PIK3CB: variants seen among roughly 807,000 people sequenced by gnomAD.
The protein encoded by PIK3CB is phosphatidylinositol-4,5-bisphosphate 3-kinase catalytic subunit beta.
Under a neutral mutation model 136.8 loss-of-function variants are expected in PIK3CB, and 39 were observed. The ratio of observed to expected loss-of-function variants is 0.29; its 90% CI spans 0.22 to 0.37. PIK3CB has a LOEUF of 0.37. PIK3CB is among the 10% of genes least tolerant of loss of function. PIK3CB has a pLI of 1.00. For missense variants in PIK3CB, 868 were observed against 1,275.4 expected (o/e 0.68, Z 4.87); for synonymous variants, 428 against 436.6 (o/e 0.98, Z 0.25).
At position 138,742,549 on chromosome 3, in the gene PIK3CB, T is replaced by A; in HGVS notation, c.621+9A>T. ...TTACAAAATATTTCTTAAAAAAATA[T>A]AATCCTACCTGGCAGTTTTCAAAAT... On this transcript the variant is annotated intron_variant, in intron 5 of 23. Transcript: ENST00000674063. The A allele has an allele frequency of 7.7e-7, 1 of 1,298,620 alleles. No homozygotes were observed. The highest frequency in any genetic ancestry group is 1.1e-6 in the Non-Finnish European group (1 of 917,738). 80.4% of individuals were successfully genotyped at this position (1,298,620 alleles called of 1,614,324 possible).
intron 19 of PIK3CB, among the ~76,000 whole-genome samples, chr3:138,669,215 C>T (rs2043477578): frequency 6.6e-6 from 1 of 151,266 alleles, no homozygotes; most frequent in African/African-American, 2.4e-5. Context: ...AGTTTAAGAC[C>T]AGCCTGGGCA....
intron 1 of PIK3CB, among the ~76,000 whole-genome samples, chr3:138,824,451 G>C (rs1219167240): frequency 6.6e-6 from 1 of 152,122 alleles, no homozygotes; most frequent in East Asian, 1.9e-4. Context: ...CCCAGTTAAA[G>C]GGTCAACCTC....
Position 138,654,295 on chromosome 3 carries a change from CT to C in PIK3CB, c.*1093del, listed in dbSNP as rs1370629599. The C allele has an allele frequency of 4.6e-6, 1 of 216,394 alleles. No individual in the cohort carries two copies. Among genetic ancestry groups the C allele is most frequent in the East Asian group, 6.9e-5 (1 of 14,476 alleles). 13.4% of individuals were successfully genotyped at this position (216,394 alleles called of 1,614,324 possible). Reference sequence around the variant, plus strand: ...TTGCACATATTAACATTACTTGCCCCTAGCACCCTAAATATATGGTACCTCA... The same window carrying C: ...TTGCACATATTAACATTACTTGCCCCAGCACCCTAAATATATGGTACCTCA... On this transcript the variant is annotated 3_prime_UTR_variant, in exon 24 of 24. Coordinates refer to ENST00000674063, the MANE Select transcript of PIK3CB (RefSeq NM_006219.3).
At chr3:138,821,293 AC>A (rs1933552581) in intron 1 of PIK3CB, among the ~76,000 whole-genome samples, 1 of 148,952 alleles carries the variant, frequency 6.7e-6, no homozygotes, top group African/African-American at 2.5e-5. Context: ...AAAAAAAAAA[AC>A]AAAAAACAAA....
At chr3:138,764,206 T>C (rs1410888747) in intron 2 of PIK3CB, among the ~76,000 whole-genome samples, 2 of 151,792 alleles carry the variant, frequency 1.3e-5, no homozygotes, top group Non-Finnish European at 2.9e-5. Flanking sequence ...CCCAGCACTT[T>C]GGGAGGCCAA....
At chr3:138,691,232 T>C (rs1166032139) in intron 14 of PIK3CB, 89 bp from the exon 15 acceptor site, 4 of 1,181,598 alleles carry the variant, frequency 3.4e-6, no homozygotes, top group African/African-American at 1.5e-5. Context: ...GTGAACTTGT[T>C]GAAACACAAT....
intron 8 of PIK3CB, among the ~76,000 whole-genome samples, chr3:138,732,650 C>A (rs573025537): frequency 6.8e-6 from 1 of 147,276 alleles, no homozygotes; most frequent in African/African-American, 2.5e-5. Context: ...TGGTCCATAA[C>A]GTAGTAATCT....
At chr3:138,768,105 G>A (rs763555935) in intron 2 of PIK3CB, among the ~76,000 whole-genome samples, 8 of 151,190 alleles carry the variant, frequency 5.3e-5, no homozygotes, top group Non-Finnish European at 1.2e-4. Flanking sequence ...TTCTCTGAAG[G>A]CAGGTCATCC....
chr3:138,814,404 G>A (rs1321439157), intron 1 of PIK3CB, among the ~76,000 whole-genome samples: 1 of 151,714 alleles, frequency 6.6e-6, no homozygotes, highest in Non-Finnish European at 1.5e-5. Flanking sequence ...CTTGAAGCCA[G>A]GAGGTGGAGG....
intron 4 of PIK3CB, among the ~76,000 whole-genome samples, chr3:138,743,438 TTTAG>T (rs1559856149): frequency 6.6e-6 from 1 of 152,224 alleles, no homozygotes; most frequent in African/African-American, 2.4e-5. Flanking sequence ...CATATATTGT[TTTAG>T]TTAGTCAAAA....
intron 13 of PIK3CB, 104 bp from the exon 14 acceptor site, chr3:138,695,011 C>T (rs1376061671): frequency 1.6e-5 from 17 of 1,096,494 alleles, no homozygotes; most frequent in Admixed American, 5.7e-5. Context: ...AGGCAAAGCT[C>T]ACTTTTAATT....
At chr3:138,751,490 G>A (rs1460238351) in intron 4 of PIK3CB, among the ~76,000 whole-genome samples, 1 of 151,302 alleles carries the variant, frequency 6.6e-6, no homozygotes, top group East Asian at 1.9e-4. Context: ...CAAAAATAAC[G>A]AACACTTTAA....
chr3:138,787,200 T>C (rs867837053), intron 2 of PIK3CB, among the ~76,000 whole-genome samples: 6 of 151,998 alleles, frequency 3.9e-5, no homozygotes, highest in Non-Finnish European at 7.4e-5. Context: ...AGTGTTCACA[T>C]AACATAAGAA....
At chr3:138,679,539 T>C (rs919172143) in intron 19 of PIK3CB, among the ~76,000 whole-genome samples, 2 of 152,076 alleles carry the variant, frequency 1.3e-5, no homozygotes, top group Admixed American at 6.5e-5. Flanking sequence ...CTGTTTGATA[T>C]ATTATGAAAG....
intron 14 of PIK3CB, among the ~76,000 whole-genome samples, chr3:138,693,994 T>TA (rs1559819957): frequency 9.4e-6 from 1 of 105,914 alleles, no homozygotes; most frequent in African/African-American, 3.3e-5. Flanking sequence ...ATATATATAT[T>TA]TTAAACCCAT....
At chr3:138,813,124 A>C (rs995881352) in intron 1 of PIK3CB, among the ~76,000 whole-genome samples, 2 of 152,264 alleles carry the variant, frequency 1.3e-5, no homozygotes, top group African/African-American at 4.8e-5. Context: ...AAATAAGAAA[A>C]AAAAATTTTT....
At chr3:138,814,621 C>T (rs1933214495) in intron 1 of PIK3CB, among the ~76,000 whole-genome samples, 1 of 152,124 alleles carries the variant, frequency 6.6e-6, no homozygotes, top group Non-Finnish European at 1.5e-5. Flanking sequence ...CCCAACCCTC[C>T]ACCTTCCTTT....
At chr3:138,757,094 T>G (rs1365312864) in intron 3 of PIK3CB, among the ~76,000 whole-genome samples, 1 of 152,104 alleles carries the variant, frequency 6.6e-6, no homozygotes, top group Non-Finnish European at 1.5e-5. Context: ...TCATTAGTCA[T>G]GAGGGAAATG....
chr3:138,826,498 G>GTTT (rs1559893905), intron 1 of PIK3CB, among the ~76,000 whole-genome samples: 3 of 132,278 alleles, frequency 2.3e-5, no homozygotes, highest in African/African-American at 9.1e-5. Flanking sequence ...GGACCATTTG[G>GTTT]GTTTTTTTTT....
Sources: allele counts gnomAD v4.1 joint callset (sites outside exome capture counted in the v4.1 genomes callset), GRCh38; gene constraint gnomAD v4.1.1; transcripts MANE v1.5; gene names NCBI Gene and HGNC (gene_info 2026-07-23, HGNC 2026-07-21).